The following DUSP22 variants were observed in gnomAD, a reference collection of about 807,000 sequenced individuals.
DUSP22 encodes dual specificity protein phosphatase 22.
DUSP22 carries 24 observed loss-of-function variants against 24.5 expected under a neutral mutation model. That is an observed-to-expected ratio of 0.98 (90% CI 0.71 to 1.38). The LOEUF (loss-of-function observed/expected upper bound fraction) is 1.38. DUSP22 is among the 40% of genes most tolerant of loss of function. DUSP22 has a pLI of 0.00. For synonymous variants in DUSP22, 160 were observed against 106.4 expected, an observed-to-expected ratio of 1.50 and a Z score of -3.10; for missense variants, 330 against 269.2, an observed-to-expected ratio of 1.23 and a Z score of -1.58.
At chr6:323,444 G>A (rs1461241837) in intron 3 of DUSP22, among the ~76,000 whole-genome samples, 1 of 152,296 alleles carries the variant, frequency 6.6e-6, no homozygotes, top group Non-Finnish European at 1.5e-5. Flanking sequence ...GAAAGTTCTG[G>A]GCGTGGGAAC....
Position 350,161 on chromosome 6 carries a change from T to C in DUSP22, c.*1210T>C. Reference sequence around the variant, plus strand: ...AGCTTTGCCTCACAGTTGAAAATGTTCGGTCATGATTGCTTTTGAAACCAA... The same window carrying C: ...AGCTTTGCCTCACAGTTGAAAATGTCCGGTCATGATTGCTTTTGAAACCAA... On this transcript the variant is annotated 3_prime_UTR_variant, in exon 7 of 7. Coordinates refer to ENST00000419235, the MANE Select transcript of DUSP22 (RefSeq NM_001286555.3). The C allele has an allele frequency of 1.0e-6, 1 of 986,252 alleles. No homozygotes were observed. Among genetic ancestry groups the C allele is most frequent in the South Asian group, 4.7e-5 (1 of 21,308 alleles). 61.1% of individuals were successfully genotyped at this position (986,252 alleles called of 1,614,324 possible).
intron 1 of DUSP22, among the ~76,000 whole-genome samples, chr6:298,584 G>GT (rs1184839683): frequency 2.0e-5 from 3 of 152,306 alleles, no homozygotes; most frequent in African/African-American, 7.2e-5. Flanking sequence ...GAGGATTTGT[G>GT]TTTTTGCATT....
chr6:320,683 T>C (rs1239507597), intron 3 of DUSP22, among the ~76,000 whole-genome samples: 2 of 152,298 alleles, frequency 1.3e-5, no homozygotes, highest in African/African-American at 4.8e-5. Flanking sequence ...GGCAGCCTTA[T>C]AGGACTAGTG....
At chr6:338,907 C>G (rs1048667199) in intron 4 of DUSP22, among the ~76,000 whole-genome samples, 1 of 152,302 alleles carries the variant, frequency 6.6e-6, no homozygotes, top group Admixed American at 6.5e-5. Flanking sequence ...GCAGACTGCC[C>G]GGAAAGGTCA....
At chr6:305,032 T>G (rs1757759890) in intron 2 of DUSP22, among the ~76,000 whole-genome samples, 2 of 152,310 alleles carry the variant, frequency 1.3e-5, no homozygotes, top group African/African-American at 4.8e-5. Flanking sequence ...ATGGCCTTCC[T>G]TCTTAAAGCT....
At position 350,351 on chromosome 6, in the gene DUSP22, C is replaced by T. The variant is rs1418386334; in HGVS notation, c.*1400C>T. 3.8e-6 allele frequency: 4 copies of T among 1,058,370 alleles called. No homozygotes were observed. The East Asian group carries it at 2.6e-4, about 68-fold the overall frequency. The allele number at this position is 1,058,370 out of a possible 1,614,324, so 65.6% of individuals were successfully genotyped here. On this transcript the variant is annotated 3_prime_UTR_variant, in exon 7 of 7. Coordinates refer to ENST00000419235, the MANE Select transcript of DUSP22 (RefSeq NM_001286555.3). ...GCTGTACGCAATTCAGTGGTCTAGT[C>T]CTTTATACCGACTCAGATTCCTTAA...
chr6:318,941 GGAT>G lies in DUSP22; in HGVS notation c.138+6983_138+6985del, dbSNP rs1357526094. Reference sequence around the variant, plus strand: ...TGTTAAGAAAAGGAAGCAAGTTATAGGATGATACCCATCATATAATCACATTTA... The same window carrying G: ...TGTTAAGAAAAGGAAGCAAGTTATAGGATACCCATCATATAATCACATTTA... On this transcript the variant is annotated intron_variant, in intron 3 of 6. Transcript: ENST00000419235. Among the ~76,000 whole-genome samples, 5 of 152,426 alleles carry G rather than the reference GGAT, an allele frequency of 3.3e-5. No homozygotes were observed. In the East Asian group the frequency reaches 9.6e-4, roughly 29 times the overall value.
Position 351,191 on chromosome 6 carries a change from G to A in DUSP22, c.*2240G>A. ...TCCTGTGAACGCCTCCCAAGGACGAGCCCAGTGTAGTTGTGTGGCGTGAAC... is the reference window on the plus strand; with the variant it reads ...TCCTGTGAACGCCTCCCAAGGACGAACCCAGTGTAGTTGTGTGGCGTGAAC... On this transcript the variant is annotated 3_prime_UTR_variant, in exon 7 of 7. Coordinates refer to ENST00000419235, the MANE Select transcript of DUSP22 (RefSeq NM_001286555.3). 4.8e-6 allele frequency: 2 copies of A among 417,486 alleles called. No individual in the cohort carries two copies. The highest frequency in any genetic ancestry group is 4.0e-5 in the Admixed American group (1 of 25,232). 25.9% of individuals were successfully genotyped at this position (417,486 alleles called of 1,614,324 possible). A position where few individuals can be genotyped will look rare whatever the true frequency, so the allele number is the denominator to read the frequency against.
At chr6:293,001 C>T (rs1340029824) in intron 1 of DUSP22, among the ~76,000 whole-genome samples, 1 of 152,282 alleles carries the variant, frequency 6.6e-6, no homozygotes, top group African/African-American at 2.4e-5. Context: ...TCCTCAGATT[C>T]TGTGTGTGTG....
chr6:319,177 G>T (rs116767024), intron 3 of DUSP22, among the ~76,000 whole-genome samples: 2,635 of 151,516 alleles, frequency 0.017, 2 homozygotes, highest in African/African-American at 0.061. Context: ...GTCACAATAA[G>T]ATCATGTCCA....
chr6:303,856 G>A (rs914503105), intron 1 of DUSP22, among the ~76,000 whole-genome samples: 1 of 152,308 alleles, frequency 6.6e-6, no homozygotes, highest in Admixed American at 6.5e-5. Context: ...GGCTGGAGGT[G>A]GAGAGGAGGG....
intron 3 of DUSP22, among the ~76,000 whole-genome samples, chr6:324,856 C>A (rs1403315534): frequency 6.6e-6 from 1 of 152,304 alleles, no homozygotes; most frequent in African/African-American, 2.4e-5. Flanking sequence ...GGACCCATTC[C>A]ATCACCAGCG....
chr6:318,558 C>T (rs1038960859), intron 3 of DUSP22, among the ~76,000 whole-genome samples: 1 of 151,832 alleles, frequency 6.6e-6, no homozygotes, highest in Non-Finnish European at 1.5e-5. Context: ...CCACAGCAGG[C>T]CTCAGCTCTC....
At chr6:334,628 CAGTGAAATTGT>C (rs1377812971) in intron 3 of DUSP22, among the ~76,000 whole-genome samples, 2 of 152,296 alleles carry the variant, frequency 1.3e-5, no homozygotes, top group Non-Finnish European at 2.9e-5. Context: ...ATTGGTGCGT[CAGTGAAATTGT>C]AGCTGTCATG....
intron 3 of DUSP22, among the ~76,000 whole-genome samples, chr6:312,884 A>C (rs1162130982): frequency 2.6e-5 from 4 of 152,302 alleles, no homozygotes; most frequent in African/African-American, 9.6e-5. Flanking sequence ...TTGTAGTACC[A>C]GAGAATCATA....
At chr6:344,127 G>T (rs1759747904) in intron 4 of DUSP22, among the ~76,000 whole-genome samples, 1 of 152,310 alleles carries the variant, frequency 6.6e-6, no homozygotes, top group African/African-American at 2.4e-5. Flanking sequence ...GTCCTGCCTG[G>T]CTTTGTGCCT....
chr6:322,891 A>G (rs181915577), intron 3 of DUSP22, among the ~76,000 whole-genome samples: 15 of 150,908 alleles, frequency 9.9e-5, no homozygotes, highest in Non-Finnish European at 1.5e-4. Context: ...TAAAGGGGGT[A>G]GGTTGGTTAA....
rs865870972 is a variant in DUSP22, at chr6:322,713, G to A, written c.138+10751G>A. ...AGGGAAAGAGTGTTTCTTGTTCCGG[G>A]TCGGGACAGCACCGTGTGTGGCTGG... On this transcript the variant is annotated intron_variant, in intron 3 of 6. Transcript: ENST00000419235. Among the ~76,000 whole-genome samples, 11 of 152,252 alleles carry A rather than the reference G, an allele frequency of 7.2e-5. No homozygotes were observed. In the Middle Eastern group the frequency reaches 0.017, roughly 237 times the overall value.
chr6:296,562 ACTC>A (rs1201710745), intron 1 of DUSP22, among the ~76,000 whole-genome samples: 508 of 152,150 alleles, frequency 3.3e-3, no homozygotes, highest in African/African-American at 0.012. Context: ...GCCTTTGAAA[ACTC>A]CTAGTTGACT....
Sources: gnomAD v4.1 joint callset for allele counts (sites outside exome capture counted in the v4.1 genomes callset) on GRCh38, gnomAD v4.1.1 for gene constraint, MANE v1.5 for transcripts, NCBI Gene and HGNC (gene_info 2026-07-23, HGNC 2026-07-21) for gene names.